Variants in CSMD1 observed in about 807,000 individuals in gnomAD.
CSMD1 encodes CUB and Sushi multiple domains 1, also known as CUB and sushi domain-containing protein 1.
A neutral mutation model predicts 417.5 loss-of-function variants in CSMD1; 213 were observed. That is an observed-to-expected ratio of 0.51 (90% CI 0.46 to 0.57). The LOEUF is 0.57. Ranked by LOEUF, CSMD1 falls within the 20% of genes least tolerant of loss-of-function variation. CSMD1 has a pLI of 0.00. For missense variants in CSMD1, 6,923 were observed against 4,529.7 expected (o/e 1.53, Z -15.17); for synonymous variants, 2,862 against 1,736.8 (o/e 1.65, Z -16.11).
intron 40 of CSMD1, among the ~76,000 whole-genome samples, chr8:3,148,412 C>T (rs1315330795): frequency 2.6e-5 from 4 of 152,108 alleles, no homozygotes; most frequent in Admixed American, 6.5e-5. Flanking sequence ...ATGAGCTGTG[C>T]AGTGCTGTGG....
At chr8:3,790,995 G>A (rs1404469178) in intron 5 of CSMD1, among the ~76,000 whole-genome samples, 1 of 152,122 alleles carries the variant, frequency 6.6e-6, no homozygotes, top group Non-Finnish European at 1.5e-5. Context: ...ATAGGCAAAT[G>A]GAATGCAACA....
intron 17 of CSMD1, among the ~76,000 whole-genome samples, chr8:3,392,749 T>A (rs922278570): frequency 4.6e-5 from 7 of 152,130 alleles, no homozygotes; most frequent in Admixed American, 6.5e-5. Context: ...CAGGGATGTG[T>A]TAGTGCACTA....
At chr8:3,138,095 G>C (rs1312480136) in intron 41 of CSMD1, among the ~76,000 whole-genome samples, 2 of 152,058 alleles carry the variant, frequency 1.3e-5, no homozygotes, top group Non-Finnish European at 2.9e-5. Flanking sequence ...GCATGGTGGC[G>C]GGTGCCTGTA....
chr8:4,670,543 T>C (rs199932034), intron 1 of CSMD1, among the ~76,000 whole-genome samples: 1 of 152,216 alleles, frequency 6.6e-6, no homozygotes, highest in South Asian at 2.1e-4. Context: ...CTGTGTCTTA[T>C]ATTCTGATCG....
chr8:4,551,608 A>G (rs144534513), intron 2 of CSMD1, among the ~76,000 whole-genome samples: 1 of 152,132 alleles, frequency 6.6e-6, no homozygotes, highest in Non-Finnish European at 1.5e-5. Flanking sequence ...GCTGCCATCA[A>G]ATCCAGGCTT....
intron 1 of CSMD1, among the ~76,000 whole-genome samples, chr8:4,892,593 T>C (rs1013773583): frequency 1.3e-5 from 2 of 152,104 alleles, no homozygotes; most frequent in Admixed American, 6.5e-5. Flanking sequence ...CAGAAATATA[T>C]ACAGAAAAAA....
At chr8:3,521,072 C>G (rs1001576762) in intron 10 of CSMD1, among the ~76,000 whole-genome samples, 1 of 152,176 alleles carries the variant, frequency 6.6e-6, no homozygotes, top group African/African-American at 2.4e-5. Flanking sequence ...CACACAACCT[C>G]TAATTTTACT....
rs67843753 is a variant in CSMD1, at chr8:3,031,865, C to CT, written c.7661-2353dup. Among the ~76,000 whole-genome samples, 49 of 141,428 alleles carry CT rather than the reference C, an allele frequency of 3.5e-4. 1 individual carries two copies. Among genetic ancestry groups the CT allele is most frequent in the Middle Eastern group, 3.6e-3 (1 of 276 alleles). The allele number at this position is 141,428 out of a possible 152,430, so 92.8% of individuals were successfully genotyped here. A position where few individuals can be genotyped will look rare whatever the true frequency, so the allele number is the denominator to read the frequency against. On this transcript the variant is annotated intron_variant, in intron 50 of 69. Coordinates refer to ENST00000635120, the MANE Select transcript of CSMD1 (RefSeq NM_033225.6). Reference sequence around the variant, plus strand: ...AGTTTGATTATTTGCTCACATCTCTCTTTTTTTTTTTTGGCTATGCTATAC... The same window carrying CT: ...AGTTTGATTATTTGCTCACATCTCTCTTTTTTTTTTTTTGGCTATGCTATAC...
intron 3 of CSMD1, among the ~76,000 whole-genome samples, chr8:4,395,397 C>A (rs73658843): frequency 0.054 from 8,171 of 152,062 alleles, 779 homozygotes; most frequent in African/African-American, 0.19. Flanking sequence ...GCTAGCCAGG[C>A]TCCAGAAGCG....
chr8:4,668,273 A>T (rs558852989), intron 1 of CSMD1, among the ~76,000 whole-genome samples: 1 of 151,858 alleles, frequency 6.6e-6, no homozygotes, highest in Admixed American at 6.6e-5. Flanking sequence ...AATCTCATCC[A>T]CGTTTGTAGG....
At chr8:3,057,805 A>G (rs1474054247) in intron 49 of CSMD1, among the ~76,000 whole-genome samples, 1 of 152,204 alleles carries the variant, frequency 6.6e-6, no homozygotes, top group Non-Finnish European at 1.5e-5. Context: ...TTTCAATTTT[A>G]AATCTATCAG....
intron 12 of CSMD1, among the ~76,000 whole-genome samples, chr8:3,448,906 C>G (rs1032020201): frequency 6.6e-6 from 1 of 152,192 alleles, no homozygotes; most frequent in Admixed American, 6.5e-5. Flanking sequence ...AAGCACCTCC[C>G]TATGTATGAA....
intron 5 of CSMD1, among the ~76,000 whole-genome samples, chr8:3,843,212 C>T (rs1205623281): frequency 2.0e-5 from 3 of 152,072 alleles, no homozygotes; most frequent in Admixed American, 2.0e-4. Context: ...CCTTGCTTTC[C>T]CATTTTTTTG....
At chr8:4,403,518 A>T (rs141987474) in intron 3 of CSMD1, among the ~76,000 whole-genome samples, 2 of 152,228 alleles carry the variant, frequency 1.3e-5, no homozygotes, top group East Asian at 3.9e-4. Context: ...CTCATCAGTC[A>T]TGACTTAGTA....
chr8:3,146,154 GTGTGCACTAT>G (rs1326301461), intron 40 of CSMD1, among the ~76,000 whole-genome samples: 4 of 152,182 alleles, frequency 2.6e-5, no homozygotes, highest in Non-Finnish European at 5.9e-5. Context: ...GGAGAGCATT[GTGTGCACTAT>G]TAGTGCAGTA....
intron 5 of CSMD1, among the ~76,000 whole-genome samples, chr8:3,940,834 C>T (rs1260422544): frequency 6.6e-6 from 1 of 150,750 alleles, no homozygotes; most frequent in African/African-American, 2.4e-5. Context: ...ACAACTTAAC[C>T]CAAGAAGTTT....
intron 41 of CSMD1, among the ~76,000 whole-genome samples, chr8:3,141,181 G>A (rs1230591930): frequency 6.6e-6 from 1 of 152,176 alleles, no homozygotes; most frequent in African/African-American, 2.4e-5. Flanking sequence ...GAGAGTGTGT[G>A]CAGGTGGGAT....
chr8:3,765,576 C>G (rs1174206382), intron 5 of CSMD1, among the ~76,000 whole-genome samples: 2 of 152,202 alleles, frequency 1.3e-5, no homozygotes, highest in African/African-American at 4.8e-5. Flanking sequence ...CAAGTCAATT[C>G]TAAATGGTTT....
chr8:4,293,499 T>C (rs1416901196), intron 3 of CSMD1, among the ~76,000 whole-genome samples: 2 of 152,166 alleles, frequency 1.3e-5, no homozygotes, highest in Non-Finnish European at 2.9e-5. Context: ...ATGCGTTTCT[T>C]TTTATACTTA....
Sources: allele counts gnomAD v4.1 joint callset (sites outside exome capture counted in the v4.1 genomes callset), GRCh38; gene constraint gnomAD v4.1.1; transcripts MANE v1.5; gene names NCBI Gene and HGNC (gene_info 2026-07-23, HGNC 2026-07-21).